RTTN: variants seen among roughly 807,000 people sequenced by gnomAD.
RTTN encodes the protein rotatin.
Under a neutral mutation model 269.2 loss-of-function variants are expected in RTTN, and 182 were observed. The observed-to-expected ratio is 0.68, with a 90% confidence interval of 0.60 to 0.76. The LOEUF (loss-of-function observed/expected upper bound fraction) is 0.76, where lower values mean the gene tolerates loss of function less well. Ranked by LOEUF, RTTN falls within the 30% of genes least tolerant of loss-of-function variation. The pLI is 0.00. For missense variants in RTTN, 2,545 were observed against 2,608.6 expected (o/e 0.98, Z 0.53); for synonymous variants, 1,006 against 963.5 (o/e 1.04, Z -0.82).
chr18:70,132,463 T>C (rs1246746317), intron 23 of RTTN, among the ~76,000 whole-genome samples: 2 of 150,460 alleles, frequency 1.3e-5, no homozygotes, highest in African/African-American at 5.0e-5. Context: ...CTAATGTCAA[T>C]ATTTAGCTAA....
chr18:70,010,868 A>T (rs568261436), intron 46 of RTTN, among the ~76,000 whole-genome samples: 2 of 152,356 alleles, frequency 1.3e-5, no homozygotes, highest in South Asian at 4.1e-4. Flanking sequence ...AAAAGAGAGA[A>T]GAATCAAATA....
At chr18:70,118,869 T>C (rs1004279096) in intron 26 of RTTN, among the ~76,000 whole-genome samples, 4 of 152,096 alleles carry the variant, frequency 2.6e-5, no homozygotes, top group African/African-American at 9.7e-5. Context: ...GAAAAAGCAT[T>C]TGACAAAATT....
intron 11 of RTTN, among the ~76,000 whole-genome samples, chr18:70,175,045 C>CAAAAAAAAAAAAAAAAA (rs5825998): frequency 2.3e-5 from 2 of 86,830 alleles, no homozygotes; most frequent in Non-Finnish European, 4.2e-5. Flanking sequence ...AAACCAAAAC[C>CAAAAAAAAAAAAAAAAA]AAAAAAAAAA....
intron 40 of RTTN, among the ~76,000 whole-genome samples, chr18:70,040,657 T>C (rs1292168426): frequency 1.3e-5 from 2 of 152,230 alleles, no homozygotes; most frequent in East Asian, 3.9e-4. Context: ...TTTCATCTAA[T>C]GGCTGCAGAA....
intron 40 of RTTN, among the ~76,000 whole-genome samples, chr18:70,035,477 A>C (rs2057144868): frequency 6.6e-6 from 1 of 152,248 alleles, no homozygotes; most frequent in African/African-American, 2.4e-5. Context: ...TCCCTGTTCG[A>C]TAAATGGTGC....
intron 21 of RTTN, among the ~76,000 whole-genome samples, chr18:70,136,489 G>A (rs962380002): frequency 4.0e-5 from 6 of 151,728 alleles, no homozygotes; most frequent in African/African-American, 1.5e-4. Flanking sequence ...CATAAGGATT[G>A]TGCCTATCTT....
At chr18:70,060,293 A>AG (rs1248668035) in intron 35 of RTTN, among the ~76,000 whole-genome samples, 3 of 152,146 alleles carry the variant, frequency 2.0e-5, no homozygotes, top group African/African-American at 7.2e-5. Flanking sequence ...TATGCAGAAG[A>AG]GACAGGTCAG....
rs555350684 is a variant in RTTN, at chr18:70,020,927, T to C, written c.5951-110A>G. 5 of 828,704 alleles carry C rather than the reference T, an allele frequency of 6.0e-6. No individual in the cohort carries two copies. In the East Asian group the frequency reaches 1.0e-4, roughly 17 times the overall value. The allele number at this position is 828,704 out of a possible 1,614,324, so 51.3% of individuals were successfully genotyped here. ...TAACAAAATGACTAGGCCATTAACC[T>C]GTGAACTGCAAATTAGCAATGGAGG... On this transcript the variant is annotated intron_variant, in intron 44 of 48. Transcript: ENST00000640769.
At chr18:70,143,290 G>C (rs1276224005) in intron 18 of RTTN, among the ~76,000 whole-genome samples, 2 of 152,048 alleles carry the variant, frequency 1.3e-5, no homozygotes, top group Non-Finnish European at 2.9e-5. Flanking sequence ...AAAGACACAT[G>C]CATGTGTATG....
At chr18:70,043,441 G>C (rs1309892439) in intron 40 of RTTN, among the ~76,000 whole-genome samples, 1 of 151,458 alleles carries the variant, frequency 6.6e-6, no homozygotes, top group Admixed American at 6.6e-5. Flanking sequence ...AGGTGGGTGA[G>C]GCATGAAAAA....
chr18:70,033,862 T>C (rs147010499), intron 40 of RTTN, among the ~76,000 whole-genome samples: 1 of 28,108 alleles, frequency 3.6e-5, no homozygotes, highest in Admixed American at 8.2e-4. Flanking sequence ...CAAATAAACA[T>C]AATGAGAAAT....
At chr18:70,183,497 T>C (rs1302064980) in intron 10 of RTTN, among the ~76,000 whole-genome samples, 1 of 152,166 alleles carries the variant, frequency 6.6e-6, no homozygotes, top group East Asian at 1.9e-4. Flanking sequence ...AATCATCACT[T>C]TGGACATTCA....
chr18:70,174,841 C>T (rs1050619362), intron 11 of RTTN, among the ~76,000 whole-genome samples: 4 of 149,868 alleles, frequency 2.7e-5, no homozygotes, highest in Non-Finnish European at 4.4e-5. Flanking sequence ...GCAAACATGG[C>T]GAAATCTGGT....
chr18:70,083,161 C>T (rs1015126990), intron 32 of RTTN, among the ~76,000 whole-genome samples: 2 of 152,136 alleles, frequency 1.3e-5, no homozygotes, highest in Non-Finnish European at 2.9e-5. Flanking sequence ...ATCAAGGCCC[C>T]TGGTAGGAGT....
In RTTN at chr18:70,109,495, TACCTCAAGGAG is replaced by T; in HGVS notation, c.3895_3903+2del. On this transcript the variant is annotated splice_donor_variant and coding_sequence_variant, in exon 28 of 49. Coordinates refer to ENST00000640769, the MANE Select transcript of RTTN (RefSeq NM_173630.4). LOFTEE classifies it high-confidence loss of function. ...ATAACTACCATATGCTATTTTTACT[TACCTCAAGGAG>T]ACCTGACAAGTACTTCACACAGATA... 6.2e-7 allele frequency: 1 copy of T among 1,612,574 alleles called. No individual in the cohort carries two copies. Among genetic ancestry groups the T allele is most frequent in the Non-Finnish European group, 8.5e-7 (1 of 1,178,494 alleles).
chr18:70,107,005 GAC>G (rs1255773843), intron 28 of RTTN, among the ~76,000 whole-genome samples: 1 of 152,192 alleles, frequency 6.6e-6, no homozygotes, highest in African/African-American at 2.4e-5. Context: ...TTTGGATTCA[GAC>G]AGTTTATTAC....
chr18:70,149,291 TA>T (rs2060476635), intron 16 of RTTN, among the ~76,000 whole-genome samples: 1 of 152,144 alleles, frequency 6.6e-6, no homozygotes, highest in Admixed American at 6.6e-5. Context: ...CTGATTTTTC[TA>T]TTTTCTAAGA....
At chr18:70,197,279 G>A (rs889223367) in intron 6 of RTTN, among the ~76,000 whole-genome samples, 3 of 152,156 alleles carry the variant, frequency 2.0e-5, no homozygotes, top group African/African-American at 4.8e-5. Context: ...ATGTAGCACT[G>A]TGCGTTAAAT....
At chr18:70,061,358 T>G (rs765775635) in intron 35 of RTTN, 8 of 456,122 alleles carry the variant, frequency 1.8e-5, no homozygotes, top group South Asian at 1.2e-4. Context: ...TCTTTCCTCG[T>G]CCAAGCTCTA....
Sources: allele counts gnomAD v4.1 joint callset (sites outside exome capture counted in the v4.1 genomes callset), GRCh38; gene constraint gnomAD v4.1.1; transcripts MANE v1.5; gene names NCBI Gene and HGNC (gene_info 2026-07-23, HGNC 2026-07-21).